The following SHQ1 variants were observed in gnomAD, a reference collection of about 807,000 sequenced individuals.
The protein encoded by SHQ1 is SHQ1, H/ACA ribonucleoprotein assembly factor.
SHQ1 carries 49 observed loss-of-function variants against 53.8 expected under a neutral mutation model. That is an observed-to-expected ratio of 0.91 (90% confidence interval 0.72 to 1.16). The LOEUF is 1.16. SHQ1 is among the 50% of genes most tolerant of loss of function. SHQ1 has a pLI of 0.00. For missense variants in SHQ1, 738 were observed against 683.1 expected (o/e 1.08, Z -0.90); for synonymous variants, 243 against 251.0 (o/e 0.97, Z 0.30).
At chr3:72,832,530 C>T in intron 4 of SHQ1, 49 bp from the exon 5 acceptor site, 1 of 1,338,606 alleles carries the variant, frequency 7.5e-7, no homozygotes, top group Non-Finnish European at 1.1e-6. Context: ...CTATTTTTAG[C>T]ATTTAAAACT....
At chr3:72,732,388 G>GCCTTCCTTCCTTCCTTCCTTCCGT in the SHQ1 span, among the ~76,000 whole-genome samples, 2 of 58,112 alleles carry the variant, frequency 3.4e-5, no homozygotes, top group Non-Finnish European at 7.3e-5. Context: ...CTGCCTGCCT[G>GCCTTCCTTCCTTCCTTCCTTCCGT]CCTTCCTTCC....
At chr3:72,798,816 A>G (rs185273078) in intron 9 of SHQ1, among the ~76,000 whole-genome samples, 71 of 152,378 alleles carry the variant, frequency 4.7e-4, no homozygotes, top group African/African-American at 1.7e-3. Flanking sequence ...AAAAGCCAGC[A>G]TCGGAAAAAC....
chr3:72,842,237 AT>A (rs763079100), intron 3 of SHQ1, 42 bp downstream of exon 3: 1 of 1,599,064 alleles, frequency 6.3e-7, no homozygotes, highest in Non-Finnish European at 8.5e-7. Context: ...CATTCCAAAT[AT>A]TTCTATTTAT....
At chr3:72,759,157 C>G (rs1441526321) in intron 10 of SHQ1, among the ~76,000 whole-genome samples, 2 of 152,152 alleles carry the variant, frequency 1.3e-5, no homozygotes. Context: ...CTAGCATGAC[C>G]TCATCTTAAC....
At chr3:72,766,400 T>C (rs1309982688) in intron 10 of SHQ1, among the ~76,000 whole-genome samples, 10 of 152,212 alleles carry the variant, frequency 6.6e-5, no homozygotes, top group African/African-American at 2.4e-4. Context: ...CCTCATCTGC[T>C]GCCCAAGTTC....
downstream of SHQ1, among the ~76,000 whole-genome samples, chr3:72,748,442 G>A (rs1456086656): frequency 1.4e-5 from 2 of 146,990 alleles, no homozygotes; most frequent in Non-Finnish European, 3.0e-5. Flanking sequence ...TGTAATCCCA[G>A]CACTTTGGGA....
chr3:72,735,597 ACCAAGGGGAGAAAT>A, the SHQ1 span, among the ~76,000 whole-genome samples: 1 of 142,810 alleles, frequency 7.0e-6, no homozygotes, highest in Non-Finnish European at 1.5e-5. Context: ...GGTTGTGGGT[ACCAAGGGGAGAAAT>A]CCAAGGTTCC....
chr3:72,801,351 GTTTTAATTAAAACAATTACACTTCA>G (rs1439957651), intron 9 of SHQ1, among the ~76,000 whole-genome samples: 2 of 152,012 alleles, frequency 1.3e-5, no homozygotes, highest in African/African-American at 4.8e-5. Flanking sequence ...GCCCTTTGTG[GTTTTAATTAAAACAATTACACTTCA>G]TTTTTTTCCA....
chr3:72,847,868 G>A (rs1219283994), intron 1 of SHQ1, among the ~76,000 whole-genome samples: 1 of 152,140 alleles, frequency 6.6e-6, no homozygotes, highest in Non-Finnish European at 1.5e-5. Flanking sequence ...AACGCGGAGT[G>A]AAAGGAAAGA....
At chr3:72,727,574 G>T in the SHQ1 span, among the ~76,000 whole-genome samples, 2 of 152,210 alleles carry the variant, frequency 1.3e-5, no homozygotes, top group African/African-American at 4.8e-5. Context: ...AGGTTTCCTG[G>T]GATGGTGTTT....
In SHQ1 at chr3:72,824,435, T is replaced by A; in HGVS notation, c.716A>T (p.His239Leu). Residue 239 changes from histidine (H) to leucine (L), a missense_variant, in exon 6 of 11, where the codon CAT becomes CTT. Coordinates refer to ENST00000325599, the MANE Select transcript of SHQ1 (RefSeq NM_018130.3). ...TTTGAGTTTCTTACCTAATGTAGCA[T>A]GATTTTCTTGTTCCTGACTCTTTTC... ...FLEKSQEQEN[H>L]ATLVSFSEEE... 1.2e-6 allele frequency: 2 copies of A among 1,611,292 alleles called. No homozygotes were observed.
chr3:72,742,619 C>CTTTTTTTTTTTTTTTTTTTTT, the SHQ1 span, among the ~76,000 whole-genome samples: 17 of 128,606 alleles, frequency 1.3e-4, no homozygotes, highest in Non-Finnish European at 1.9e-4. Context: ...TTCTTTTTTT[C>CTTTTTTTTTTTTTTTTTTTTT]TTTTTTTTTT....
intron 10 of SHQ1, among the ~76,000 whole-genome samples, chr3:72,761,846 T>C (rs1705615960): frequency 6.6e-6 from 1 of 152,252 alleles, no homozygotes; most frequent in African/African-American, 2.4e-5. Context: ...GTTAATTATG[T>C]GTGAACTCAC....
At chr3:72,811,351 G>A (rs754792796) in intron 9 of SHQ1, among the ~76,000 whole-genome samples, 14 of 152,148 alleles carry the variant, frequency 9.2e-5, no homozygotes, top group Non-Finnish European at 1.6e-4. Flanking sequence ...GAATTGTGAC[G>A]TGTAACTGAG....
the SHQ1 span, among the ~76,000 whole-genome samples, chr3:72,734,034 G>A: frequency 6.6e-6 from 1 of 151,024 alleles, no homozygotes; most frequent in Admixed American, 6.6e-5. Flanking sequence ...CACAGTGTGT[G>A]CCTGTAGTCC....
chr3:72,825,988 C>A (rs1365656425), intron 5 of SHQ1, among the ~76,000 whole-genome samples: 1 of 152,160 alleles, frequency 6.6e-6, no homozygotes, highest in Admixed American at 6.6e-5. Context: ...GGGGTACTAT[C>A]AATATCCTCA....
intron 10 of SHQ1, among the ~76,000 whole-genome samples, chr3:72,784,550 T>C (rs1706169049): frequency 6.6e-6 from 1 of 152,190 alleles, no homozygotes. Flanking sequence ...TAATTAAAAA[T>C]AAACAGTAAA....
At chr3:72,732,375 TG>T in the SHQ1 span, among the ~76,000 whole-genome samples, 605 of 133,596 alleles carry the variant, frequency 4.5e-3, 1 homozygote, top group African/African-American at 0.016. Flanking sequence ...CCTGCCTGCC[TG>T]CCTGCCTGCC....
chr3:72,750,435 G>A lies in SHQ1; in HGVS notation c.1583C>T (p.Ser528Phe), dbSNP rs750557399. ...SDASQGKPLA[S>F]SWPLGVSGPL... Reference sequence around the variant, plus strand: ...CCCAGACACTCCAAGAGGCCAGGAAGAGGCAAGTGGCTTTCCCTGACTGGC... The same window carrying A: ...CCCAGACACTCCAAGAGGCCAGGAAAAGGCAAGTGGCTTTCCCTGACTGGC... Residue 528 changes from serine (S) to phenylalanine (F), a missense_variant, in exon 11 of 11, where the codon TCT (serine) becomes TTT (phenylalanine). By Grantham distance (155) the Ser-to-Phe change is radical. Transcript: ENST00000325599. 2 of 1,614,212 alleles carry A rather than the reference G, an allele frequency of 1.2e-6. No individual in the cohort carries two copies. Among genetic ancestry groups the A allele is most frequent in the Non-Finnish European group, 1.7e-6 (2 of 1,180,042 alleles).
Sources: gnomAD v4.1 joint callset for allele counts (sites outside exome capture counted in the v4.1 genomes callset) on GRCh38, gnomAD v4.1.1 for gene constraint, MANE v1.5 for transcripts, NCBI Gene and HGNC (gene_info 2026-07-23, HGNC 2026-07-21) for gene names.